Variants in ZNF100 observed in about 807,000 individuals in gnomAD.
ZNF100 encodes the protein zinc finger protein 100.
In ZNF100, 12 loss-of-function variants were observed where a neutral mutation model predicts 15.8. The ratio of observed to expected loss-of-function variants is 0.76; its 90% CI spans 0.49 to 1.23. ZNF100 has a LOEUF of 1.23. Ranked by LOEUF, ZNF100 falls within the 50% of genes most tolerant of loss-of-function variation. The pLI is 0.00. For missense variants in ZNF100, 670 were observed against 635.6 expected (o/e 1.05, Z -0.58); for synonymous variants, 226 against 214.8 (o/e 1.05, Z -0.45).
At chr19:21,740,485 GAA>G in intron 4 of ZNF100, among the ~76,000 whole-genome samples, 1 of 147,328 alleles carries the variant, frequency 6.8e-6, no homozygotes, top group East Asian at 2.0e-4. Context: ...ATCCACATTA[GAA>G]AAAAAAAACA....
chr19:21,744,930 G>C lies in ZNF100; in HGVS notation c.223+11C>G, dbSNP rs777653212. 8 of 1,597,218 alleles carry C rather than the reference G, an allele frequency of 5.0e-6. No individual in the cohort carries two copies. In the African/African-American group the frequency reaches 1.1e-4, roughly 22 times the overall value. ...GGTATATTAGAAATTGTGTATTAAA[G>C]TTATTCTCACCCAAGAAGACCAGGT... On this transcript the variant is annotated intron_variant, in intron 3 of 4. Coordinates refer to ENST00000358296, the MANE Select transcript of ZNF100 (RefSeq NM_173531.4).
chr19:21,760,757 T>G (rs907511588), intron 2 of ZNF100, among the ~76,000 whole-genome samples: 48 of 82,780 alleles, frequency 5.8e-4, no homozygotes, highest in Non-Finnish European at 8.4e-4. Context: ...CTTTCTTGTT[T>G]TTTTTTTTTT....
intron 2 of ZNF100, among the ~76,000 whole-genome samples, chr19:21,763,423 C>G (rs961000475): frequency 6.6e-6 from 1 of 152,114 alleles, no homozygotes; most frequent in African/African-American, 2.4e-5. Context: ...AACCCCGTCT[C>G]TACTAAAAAC....
Position 21,723,341 on chromosome 19 carries a change from C to T in ZNF100, c.*3342G>A, listed in dbSNP as rs1346532348. 1.9e-5 allele frequency: 2 copies of T among 107,258 alleles called. No homozygotes were observed. The highest frequency in any genetic ancestry group is 1.3e-4 in the Admixed American group (1 of 7,538). 6.6% of individuals were successfully genotyped at this position (107,258 alleles called of 1,614,324 possible). A position where few individuals can be genotyped will look rare whatever the true frequency, so the allele number is the denominator to read the frequency against. On this transcript the variant is annotated 3_prime_UTR_variant, in exon 5 of 5. Coordinates refer to ENST00000358296, the MANE Select transcript of ZNF100 (RefSeq NM_173531.4). ...CACCACTGCACTCCAGCTTGGGCAA[C>T]AAGAGTGAGACTCTGTCTCAAAAAA... is the stretch of plus-strand genomic sequence containing the variant.
rs1318640928 is a variant in ZNF100, at chr19:21,724,782, T to A, written c.*1901A>T. The stretch of plus-strand genomic sequence containing the variant: ...AAAATAAACATTTGGCTGGGCACGG[T>A]GGCTCATGCCTGTAATCCCAGAACT... On this transcript the variant is annotated 3_prime_UTR_variant, in exon 5 of 5. Transcript: ENST00000358296. 6.6e-6 allele frequency: 1 copy of A among 152,178 alleles called. No individual in the cohort carries two copies. The highest frequency in any genetic ancestry group is 2.4e-5 in the African/African-American group (1 of 41,448). The allele number at this position is 152,178 out of a possible 1,614,324, so 9.4% of individuals were successfully genotyped here.
chr19:21,758,222 A>G (rs1052403438), intron 2 of ZNF100, among the ~76,000 whole-genome samples: 1 of 152,072 alleles, frequency 6.6e-6, no homozygotes, highest in African/African-American at 2.4e-5. Context: ...CATTTGTAAG[A>G]GCTAAATAAT....
chr19:21,745,715 G>A (rs1404465910), intron 2 of ZNF100, among the ~76,000 whole-genome samples: 1 of 151,842 alleles, frequency 6.6e-6, no homozygotes, highest in Non-Finnish European at 1.5e-5. Flanking sequence ...GTAGAGACGG[G>A]GTTTCACCTT....
chr19:21,747,521 G>A, intron 2 of ZNF100, among the ~76,000 whole-genome samples: 1 of 152,190 alleles, frequency 6.6e-6, no homozygotes. Context: ...ATGAATGGGT[G>A]TTTCAAACAA....
intron 2 of ZNF100, among the ~76,000 whole-genome samples, chr19:21,757,010 G>A (rs939545910): frequency 2.0e-5 from 3 of 152,208 alleles, no homozygotes; most frequent in Non-Finnish European, 4.4e-5. Flanking sequence ...AATAAATGGT[G>A]CTGGAACAAG....
At chr19:21,763,321 G>A (rs1321094824) in intron 2 of ZNF100, among the ~76,000 whole-genome samples, 1 of 152,090 alleles carries the variant, frequency 6.6e-6, no homozygotes, top group Admixed American at 6.6e-5. Flanking sequence ...GCTAAGGCTG[G>A]CGTGGTGGCT....
rs192339488 is a variant in ZNF100 at position 21,751,045 on chromosome 19, G to A, written c.97-5978C>T. On this transcript the variant is annotated intron_variant, in intron 2 of 4. Coordinates refer to ENST00000358296, the MANE Select transcript of ZNF100 (RefSeq NM_173531.4). ...GGGCCACCACCTGCAGCACATCAGC[G>A]ACCACGAGATGCCCTAAGATTTAGC... is the stretch of plus-strand genomic sequence containing the variant. 5,915 of 1,358,172 alleles carry A rather than the reference G, an allele frequency of 4.4e-3. 20 individuals carry two copies. The highest frequency in any genetic ancestry group is 5.7e-3 in the Non-Finnish European group (5,488 of 956,962). The allele number at this position is 1,358,172 out of a possible 1,614,324, so 84.1% of individuals were successfully genotyped here. A position where few individuals can be genotyped will look rare whatever the true frequency, so the allele number is the denominator to read the frequency against.
chr19:21,764,992 TTC>T (rs1303387730), intron 2 of ZNF100, among the ~76,000 whole-genome samples: 1 of 152,190 alleles, frequency 6.6e-6, no homozygotes, highest in Non-Finnish European at 1.5e-5. Flanking sequence ...AGCCTTGAAA[TTC>T]TGTTTGAAAT....
At chr19:21,751,087 TC>T in intron 2 of ZNF100, 1 of 1,437,776 alleles carries the variant, frequency 7.0e-7, no homozygotes, top group Non-Finnish European at 9.8e-7. Flanking sequence ...GTCAAACCCT[TC>T]TGACCATCCA....
chr19:21,760,502 AT>A lies in ZNF100; in HGVS notation c.96+5191del, dbSNP rs199805698. On this transcript the variant is annotated intron_variant, in intron 2 of 4. Transcript: ENST00000358296. ...AAAGCAAGACTCCATCTAAAAAAAA[AT>A]AAAATAAAATAATAATAATAATTAC... Among the ~76,000 whole-genome samples, 16 of 151,684 alleles carry A rather than the reference AT, an allele frequency of 1.1e-4. 1 individual carries two copies. The highest frequency in any genetic ancestry group is 6.9e-3 in the Middle Eastern group (2 of 290).
At chr19:21,735,384 C>A (rs2035989959) in intron 4 of ZNF100, among the ~76,000 whole-genome samples, 3 of 151,600 alleles carry the variant, frequency 2.0e-5, no homozygotes. Flanking sequence ...GTCCCAGCTA[C>A]TCGGGAGGCT....
At chr19:21,739,352 A>AT (rs2036067498) in intron 4 of ZNF100, among the ~76,000 whole-genome samples, 1 of 152,234 alleles carries the variant, frequency 6.6e-6, no homozygotes, top group African/African-American at 2.4e-5. Flanking sequence ...GACCACAAGT[A>AT]TAAGACCAGT....
chr19:21,727,570 G>T lies in ZNF100; in HGVS notation c.742C>A (p.Leu248Ile). ...GTATGAATTCTCCTGTGTGTAGTAA[G>T]GGTTGAGAACCAGTTGAAGGCTTTG... ...CGKAFNWFST[L>I]TTHRRIHTGE... The change falls in exon 5 of 5, where the codon CTT (leucine) becomes ATT (isoleucine). Residue 248 changes from leucine (L) to isoleucine (I), a missense_variant. Leu to Ile is a conservative substitution (Grantham distance 5). Transcript: ENST00000358296. The T allele has an allele frequency of 6.2e-7, 1 of 1,613,826 alleles. No individual in the cohort carries two copies. Among genetic ancestry groups the T allele is most frequent in the Non-Finnish European group, 8.5e-7 (1 of 1,179,828 alleles).
Position 21,723,794 on chromosome 19 carries a change from T to C in ZNF100, c.*2889A>G, listed in dbSNP as rs538126823. On this transcript the variant is annotated 3_prime_UTR_variant, in exon 5 of 5. Coordinates refer to ENST00000358296, the MANE Select transcript of ZNF100 (RefSeq NM_173531.4). Reference sequence around the variant, plus strand: ...AATATAAAAACATCCTCACGACTTATAAAGCTTCCCTAGTACTTACCTGAA... The same window carrying C: ...AATATAAAAACATCCTCACGACTTACAAAGCTTCCCTAGTACTTACCTGAA... 2 of 152,332 alleles carry C rather than the reference T, an allele frequency of 1.3e-5. No individual in the cohort carries two copies. Among genetic ancestry groups the C allele is most frequent in the South Asian group, 2.1e-4 (1 of 4,832 alleles). The allele number at this position is 152,332 out of a possible 1,614,324, so 9.4% of individuals were successfully genotyped here.
chr19:21,749,410 G>C (rs1347562353), intron 2 of ZNF100, among the ~76,000 whole-genome samples: 1 of 151,906 alleles, frequency 6.6e-6, no homozygotes, highest in Non-Finnish European at 1.5e-5. Flanking sequence ...AAGACATCTA[G>C]GTGATTGTGA....
Sources: allele counts gnomAD v4.1 joint callset (sites outside exome capture counted in the v4.1 genomes callset), GRCh38; gene constraint gnomAD v4.1.1; transcripts MANE v1.5; gene names NCBI Gene and HGNC (gene_info 2026-07-23, HGNC 2026-07-21).